Variants in PALM2AKAP2 observed in about 807,000 individuals in gnomAD.
The protein encoded by PALM2AKAP2 is PALM2 and AKAP2 fusion.
In PALM2AKAP2, 37 loss-of-function variants were observed where a neutral mutation model predicts 71.5. That is an observed-to-expected ratio of 0.52 (90% CI 0.40 to 0.68). The LOEUF (loss-of-function observed/expected upper bound fraction) is 0.68, where lower values mean the gene tolerates loss of function less well. PALM2AKAP2 is among the 30% of genes least tolerant of loss of function. The pLI, the probability that PALM2AKAP2 is intolerant of heterozygous loss-of-function variation, is 0.00. For missense variants in PALM2AKAP2, 1,224 were observed against 1,191.8 expected, an observed-to-expected ratio of 1.03 and a Z score of -0.40; for synonymous variants, 468 against 478.8, an observed-to-expected ratio of 0.98 and a Z score of 0.29.
chr9:110,012,988 G>A (rs10739288), intron 6 of PALM2AKAP2, among the ~76,000 whole-genome samples: 68,669 of 152,110 alleles, frequency 0.45, 18,734 homozygotes, highest in Non-Finnish European at 0.61. Flanking sequence ...GTATCTATTA[G>A]CTATTGTTAC....
intron 3 of PALM2AKAP2, among the ~76,000 whole-genome samples, chr9:110,160,753 A>G (rs1164068172): frequency 6.6e-6 from 1 of 152,178 alleles, no homozygotes; most frequent in Non-Finnish European, 1.5e-5. Context: ...TGCTGACCAG[A>G]GTCCAAATCA....
In PALM2AKAP2 at chr9:109,640,904, C is replaced by T. The variant is rs371141183; in HGVS notation, c.5+38C>T. ...GAGCCGCGCCGCCAGCTGCTCTCCTCTCGGCATGTTGCCATGGTGACCGCG... is the reference window on the plus strand; with the variant it reads ...GAGCCGCGCCGCCAGCTGCTCTCCTTTCGGCATGTTGCCATGGTGACCGCG... On this transcript the variant is annotated intron_variant, in intron 1 of 6. Transcript: ENST00000374531. 10 of 1,505,400 alleles carry T rather than the reference C, an allele frequency of 6.6e-6. No homozygotes were observed. The Admixed American group carries it at 2.2e-4, about 32-fold the overall frequency. The allele number at this position is 1,505,400 out of a possible 1,614,324, so 93.3% of individuals were successfully genotyped here.
At chr9:109,650,972 G>T (rs1456969837) in intron 1 of PALM2AKAP2, among the ~76,000 whole-genome samples, 1 of 152,156 alleles carries the variant, frequency 6.6e-6, no homozygotes, top group Non-Finnish European at 1.5e-5. Context: ...TCATGAATGA[G>T]ATTATAAATA....
chr9:109,805,200 C>G (rs902536363), intron 1 of PALM2AKAP2, among the ~76,000 whole-genome samples: 1 of 152,156 alleles, frequency 6.6e-6, no homozygotes, highest in African/African-American at 2.4e-5. Flanking sequence ...ATCAGAGAAC[C>G]TCCTCCTGCA....
chr9:109,848,852 G>A (rs1240091572), intron 1 of PALM2AKAP2, among the ~76,000 whole-genome samples: 2 of 150,398 alleles, frequency 1.3e-5, no homozygotes, highest in Admixed American at 6.6e-5. Context: ...CCATGGGGTC[G>A]AGGCTGCAAT....
At chr9:109,641,406 G>C (rs1827067359) in intron 1 of PALM2AKAP2, among the ~76,000 whole-genome samples, 1 of 152,208 alleles carries the variant, frequency 6.6e-6, no homozygotes, top group Admixed American at 6.5e-5. Flanking sequence ...TTGTTCCTGG[G>C]GTATTGGAGA....
intron 1 of PALM2AKAP2, among the ~76,000 whole-genome samples, chr9:109,758,523 G>C (rs1459872134): frequency 1.3e-5 from 1 of 78,444 alleles, no homozygotes; most frequent in Non-Finnish European, 2.3e-5. Context: ...ATACAAGAGA[G>C]TGCAGTTTGT....
intron 1 of PALM2AKAP2, among the ~76,000 whole-genome samples, chr9:110,049,114 T>A (rs1195062630): frequency 2.6e-5 from 4 of 152,204 alleles, no homozygotes; most frequent in Admixed American, 2.6e-4. Flanking sequence ...TGTTCAATGC[T>A]TATCATTTAT....
chr9:109,714,389 G>T (rs1443305496), intron 1 of PALM2AKAP2, among the ~76,000 whole-genome samples: 1 of 152,042 alleles, frequency 6.6e-6, no homozygotes, highest in Non-Finnish European at 1.5e-5. Context: ...TCCAAGCCTG[G>T]GCTACTCTGA....
intron 1 of PALM2AKAP2, among the ~76,000 whole-genome samples, chr9:109,673,533 GA>G (rs1204899743): frequency 6.6e-6 from 1 of 152,048 alleles, no homozygotes; most frequent in African/African-American, 2.4e-5. Flanking sequence ...ACTGATTTTA[GA>G]GTATGTGCCA....
At chr9:110,137,280 G>T in exon 2 of PALM2AKAP2, 2 of 1,614,230 alleles carry the variant, frequency 1.2e-6, no homozygotes, top group Non-Finnish European at 1.7e-6. Context: ...AGTACACCCA[G>T]GCTGTTCTCC....
chr9:110,090,190 G>A (rs551184348), intron 1 of PALM2AKAP2: 3 of 334,538 alleles, frequency 9.0e-6, no homozygotes, highest in South Asian at 2.3e-5. Context: ...CTGGGGCAGC[G>A]TCCACCAGGT....
rs1022458230 is a variant in PALM2AKAP2, at chr9:110,011,251, T to A, written c.497-4703T>A. Among the ~76,000 whole-genome samples the A allele has an allele frequency of 5.4e-5, 8 of 149,218 alleles. No individual in the cohort carries two copies. The East Asian group carries it at 1.6e-3, about 29-fold the overall frequency. ...ATATTTCTATTATATATATATATACTTTTTTCCCCAAGTTCTTAGGTCAGA... is the reference window on the plus strand; with the variant it reads ...ATATTTCTATTATATATATATATACATTTTTCCCCAAGTTCTTAGGTCAGA... On this transcript the variant is annotated intron_variant, in intron 6 of 9. Coordinates refer to the PALM2AKAP2 transcript ENST00000302798.
chr9:110,090,297 T>G, intron 1 of PALM2AKAP2: 1 of 455,208 alleles, frequency 2.2e-6, no homozygotes, highest in Non-Finnish European at 4.4e-6. Flanking sequence ...ACATCGGATG[T>G]CCTACTGAAG....
In PALM2AKAP2 at chr9:109,931,839, G is replaced by A. The variant is rs991508604; in HGVS notation, c.395-88G>A. ...AGTGGCCGCCTCAGCGGTCCATTAT[G>A]TAGGGCAGACAAGCTGCTGTCTCGG... is the stretch of plus-strand genomic sequence containing the variant. On this transcript the variant is annotated intron_variant, in intron 5 of 9. Transcript: ENST00000302798. 1.9e-4 allele frequency: 271 copies of A among 1,451,396 alleles called. 1 individual carries two copies. Among genetic ancestry groups the A allele is most frequent in the Admixed American group, 1.5e-4 (9 of 58,396 alleles). 89.9% of individuals were successfully genotyped at this position (1,451,396 alleles called of 1,614,324 possible). A position where few individuals can be genotyped will look rare whatever the true frequency, so the allele number is the denominator to read the frequency against.
intron 6 of PALM2AKAP2, among the ~76,000 whole-genome samples, chr9:109,935,602 G>A (rs1831201365): frequency 6.6e-6 from 1 of 152,198 alleles, no homozygotes. Context: ...ATTAACCCAT[G>A]CTGGCTCTTA....
chr9:110,141,426 T>C (rs905029671), intron 2 of PALM2AKAP2, among the ~76,000 whole-genome samples: 11 of 152,208 alleles, frequency 7.2e-5, no homozygotes, highest in Admixed American at 1.3e-4. Context: ...TCTAGAACAT[T>C]TAAAGCAGGC....
intron 1 of PALM2AKAP2, among the ~76,000 whole-genome samples, chr9:109,739,712 C>G (rs1322269): frequency 0.31 from 46,439 of 152,088 alleles, 7,245 homozygotes; most frequent in Middle Eastern, 0.4. Context: ...CTATGAGACA[C>G]TTTCAATAAT....
chr9:109,707,923 C>T (rs1480375547), intron 1 of PALM2AKAP2, among the ~76,000 whole-genome samples: 1 of 152,190 alleles, frequency 6.6e-6, no homozygotes, highest in Non-Finnish European at 1.5e-5. Flanking sequence ...GAAACAGGCT[C>T]ATTGAAATGA....
Sources: allele counts gnomAD v4.1 joint callset (sites outside exome capture counted in the v4.1 genomes callset), GRCh38; gene constraint gnomAD v4.1.1; transcripts MANE v1.5; gene names NCBI Gene and HGNC (gene_info 2026-07-23, HGNC 2026-07-21).